AFF3: variants seen among roughly 807,000 people sequenced by gnomAD.
AFF3 encodes the protein AF4/FMR2 family member 3.
A neutral mutation model predicts 129.7 loss-of-function variants in AFF3; 32 were observed. The observed-to-expected ratio is 0.25, with a 90% CI of 0.19 to 0.33. AFF3 has a LOEUF of 0.33. AFF3 is among the 10% of genes least tolerant of loss of function. AFF3 has a pLI of 1.00. For synonymous variants in AFF3, 644 were observed against 635.4 expected, an observed-to-expected ratio of 1.01 and a Z score of -0.20; for missense variants, 1,373 against 1,592.0, an observed-to-expected ratio of 0.86 and a Z score of 2.34.
Position 99,769,755 on chromosome 2 carries a change from G to A in AFF3, c.922-17454C>T, listed in dbSNP as rs549887229. On this transcript the variant is annotated intron_variant, in intron 8 of 24. Coordinates refer to ENST00000672756, the MANE Select transcript of AFF3 (RefSeq NM_001386135.1). ...GTTCATGCAGACTCACAGAAGTACT[G>A]CCTTGGTGGTCTCGGATAAGATCAG... Among the ~76,000 whole-genome samples, 22 of 152,324 alleles carry A rather than the reference G, an allele frequency of 1.4e-4. No homozygotes were observed. The South Asian group carries it at 4.6e-3, about 32-fold the overall frequency.
intron 7 of AFF3, among the ~76,000 whole-genome samples, chr2:99,887,936 C>T (rs1274848227): frequency 6.6e-6 from 1 of 152,190 alleles, no homozygotes; most frequent in Non-Finnish European, 1.5e-5. Flanking sequence ...TCCAAACAGG[C>T]ACGTCCCTAA....
chr2:100,121,906 C>CA lies in AFF3; in HGVS notation c.-145+7317dup, dbSNP rs1251470574. On this transcript the variant is annotated intron_variant, in intron 2 of 24. Transcript: ENST00000672756. ...TGAAACCCCGTCTCTACTAAAAATA[C>CA]AAAAAATTAGCCGGGCGCGGTGGCG... Among the ~76,000 whole-genome samples, 4 of 151,734 alleles carry CA rather than the reference C, an allele frequency of 2.6e-5. No homozygotes were observed. The Middle Eastern group carries it at 9.5e-3, about 360-fold the overall frequency.
chr2:99,594,769 T>C lies in AFF3; in HGVS notation c.1372-480A>G, dbSNP rs531971620. Reference sequence around the variant, plus strand: ...CCTACAATCCCAAACAATTAACACATGATTTATGTGTTGAAGGCAGGTAGG... The same window carrying C: ...CCTACAATCCCAAACAATTAACACACGATTTATGTGTTGAAGGCAGGTAGG... On this transcript the variant is annotated intron_variant, in intron 14 of 24. Transcript: ENST00000672756. 2.7e-3 allele frequency among the ~76,000 whole-genome samples: 406 copies of C among 152,218 alleles called. 1 individual carries two copies. Among genetic ancestry groups the C allele is most frequent in the Non-Finnish European group, 5.0e-3 (339 of 68,006 alleles).
chr2:100,108,372 A>G (rs773602969), intron 2 of AFF3, among the ~76,000 whole-genome samples: 3 of 151,820 alleles, frequency 2.0e-5, no homozygotes, highest in Admixed American at 6.6e-5. Context: ...GTATTTTTTC[A>G]TCATTCACCA....
rs1553515740 is a variant in AFF3, at chr2:100,061,859, G to GGC, written c.53+42542_53+42543insGC. Among the ~76,000 whole-genome samples, 24 of 128,486 alleles carry GGC rather than the reference G, an allele frequency of 1.9e-4. 1 individual carries two copies. The East Asian group carries it at 2.0e-3, about 11-fold the overall frequency. The allele number at this position is 128,486 out of a possible 152,430, so 84.3% of individuals were successfully genotyped here. On this transcript the variant is annotated intron_variant, in intron 4 of 24. Transcript: ENST00000672756. The stretch of plus-strand genomic sequence containing the variant: ...CAAAGAGATGGGTAGCACAGTGGAG[G>GGC]GGGGGGGGGTGCCGACTCTCAAGTC...
rs371298744 is a variant in AFF3, at chr2:99,787,042, T to C, written c.922-34741A>G. On this transcript the variant is annotated intron_variant, in intron 8 of 24. Coordinates refer to ENST00000672756, the MANE Select transcript of AFF3 (RefSeq NM_001386135.1). Reference sequence around the variant, plus strand: ...GTGAGAGACTTAATGATGGATTTAATAGTATTAAATGGGCAAAAATGCCCT... The same window carrying C: ...GTGAGAGACTTAATGATGGATTTAACAGTATTAAATGGGCAAAAATGCCCT... 1.7e-4 allele frequency among the ~76,000 whole-genome samples: 26 copies of C among 152,262 alleles called. 1 individual carries two copies. Among genetic ancestry groups the C allele is most frequent in the South Asian group, 1.7e-3 (8 of 4,822 alleles).
At chr2:99,816,675 G>A (rs776791310) in intron 8 of AFF3, among the ~76,000 whole-genome samples, 14 of 152,064 alleles carry the variant, frequency 9.2e-5, no homozygotes, top group Non-Finnish European at 1.6e-4. Context: ...GGTGGTTGGA[G>A]AGTGGAGGAG....
intron 11 of AFF3, among the ~76,000 whole-genome samples, chr2:99,675,557 A>G (rs914416918): frequency 1.3e-5 from 2 of 152,180 alleles, no homozygotes; most frequent in African/African-American, 4.8e-5. Context: ...CTTGTCTGTG[A>G]CCACTGCATC....
At chr2:99,560,278 G>C in intron 21 of AFF3, 87 bp downstream of exon 21, 1 of 1,414,396 alleles carries the variant, frequency 7.1e-7, no homozygotes, top group Non-Finnish European at 9.9e-7. Flanking sequence ...GAAGACATTG[G>C]GCAAACACTA....
intron 7 of AFF3, among the ~76,000 whole-genome samples, chr2:99,916,226 G>C (rs1695467135): frequency 6.6e-6 from 1 of 152,140 alleles, no homozygotes; most frequent in Admixed American, 6.6e-5. Flanking sequence ...CGAGACCTTA[G>C]CATTACTTCT....
intron 2 of AFF3, among the ~76,000 whole-genome samples, chr2:100,121,785 G>T (rs528822879): frequency 3.3e-5 from 5 of 152,284 alleles, no homozygotes; most frequent in African/African-American, 1.2e-4. Flanking sequence ...GCATATGGCC[G>T]GGCGCGGTGG....
At chr2:99,849,508 G>T (rs1045785334) in intron 7 of AFF3, among the ~76,000 whole-genome samples, 12 of 152,010 alleles carry the variant, frequency 7.9e-5, no homozygotes, top group African/African-American at 2.9e-4. Flanking sequence ...GATTTCTCTA[G>T]ACCATACGTT....
At chr2:100,085,340 C>A (rs1358094927) in intron 4 of AFF3, among the ~76,000 whole-genome samples, 12 of 149,948 alleles carry the variant, frequency 8.0e-5, no homozygotes, top group Non-Finnish European at 1.5e-4. Context: ...CTCGGCCACA[C>A]CAGTTCCCAA....
At chr2:99,911,402 A>G (rs575650923) in intron 7 of AFF3, among the ~76,000 whole-genome samples, 169 of 152,094 alleles carry the variant, frequency 1.1e-3, no homozygotes, top group African/African-American at 3.7e-3. Flanking sequence ...AAAAAAAAAA[A>G]AAAGAAAGAA....
rs372065921 is a variant in AFF3 at position 100,119,803 on chromosome 2, C to G, written c.-145+9421G>C. Among the ~76,000 whole-genome samples, 198 of 152,326 alleles carry G rather than the reference C, an allele frequency of 1.3e-3. 2 individuals carry two copies. The Middle Eastern group carries it at 0.024, about 18-fold the overall frequency. On this transcript the variant is annotated intron_variant, in intron 2 of 24. Transcript: ENST00000672756. The stretch of plus-strand genomic sequence containing the variant: ...CATTCCCGGAGTCTGTGTGCTCCCC[C>G]ACATAGAATACTTGCCTGAGAAACA...
chr2:99,983,746 T>G (rs17436955), intron 7 of AFF3, among the ~76,000 whole-genome samples: 14,488 of 152,208 alleles, frequency 0.095, 956 homozygotes, highest in Non-Finnish European at 0.13. Flanking sequence ...TTGTTCTGCA[T>G]TGGTCTGAGT....
At chr2:100,015,446 GAGA>G (rs1391388564) in intron 4 of AFF3, among the ~76,000 whole-genome samples, 1 of 152,174 alleles carries the variant, frequency 6.6e-6, no homozygotes, top group Non-Finnish European at 1.5e-5. Flanking sequence ...ATAAGGAGGA[GAGA>G]AGAACGTTCC....
At chr2:100,121,535 A>G (rs1691964929) in intron 2 of AFF3, among the ~76,000 whole-genome samples, 1 of 152,212 alleles carries the variant, frequency 6.6e-6, no homozygotes, top group South Asian at 2.1e-4. Flanking sequence ...TGCTCAATGA[A>G]TGCTTGCTAG....
chr2:100,102,479 GTTT>G (rs1386061859), intron 4 of AFF3, among the ~76,000 whole-genome samples: 5 of 152,106 alleles, frequency 3.3e-5, no homozygotes, highest in African/African-American at 1.2e-4. Flanking sequence ...AAACGTGTAA[GTTT>G]TTGTTTTTTT....
Sources: allele counts gnomAD v4.1 joint callset (sites outside exome capture counted in the v4.1 genomes callset), GRCh38; gene constraint gnomAD v4.1.1; transcripts MANE v1.5; gene names NCBI Gene and HGNC (gene_info 2026-07-23, HGNC 2026-07-21).